The following BTBD9 variants were observed in gnomAD, a reference collection of about 807,000 sequenced individuals.
The protein encoded by BTBD9 is BTB/POZ domain-containing protein 9.
In BTBD9, 49 loss-of-function variants were observed where a neutral mutation model predicts 64.3. That is an observed-to-expected ratio of 0.76 (90% CI 0.61 to 0.97). The LOEUF is 0.97. Ranked by LOEUF, BTBD9 falls within the 50% of genes least tolerant of loss-of-function variation. The pLI, the probability that BTBD9 is intolerant of heterozygous loss-of-function variation, is 0.00. For synonymous variants in BTBD9, 260 were observed against 274.7 expected (o/e 0.95, Z 0.53); for missense variants, 598 against 762.1 (o/e 0.78, Z 2.53).
chr6:38,340,553 C>T (rs1324913401), intron 7 of BTBD9, among the ~76,000 whole-genome samples: 1 of 152,116 alleles, frequency 6.6e-6, no homozygotes, highest in Non-Finnish European at 1.5e-5. Context: ...ATGTACTTAC[C>T]TCCCCCTAAC....
intron 6 of BTBD9, among the ~76,000 whole-genome samples, chr6:38,444,579 T>C (rs1269567928): frequency 6.6e-6 from 1 of 152,226 alleles, no homozygotes; most frequent in East Asian, 1.9e-4. Context: ...GTTAAAATCC[T>C]AGCTTTGCTA....
In BTBD9 at chr6:38,593,471, G is replaced by A. The variant is rs191038680; in HGVS notation, c.549+493C>T. On this transcript the variant is annotated intron_variant, in intron 3 of 10. Transcript: ENST00000481247. ...CAAATGGAGAGACAATCACTACCCA[G>A]AGTTCAAAGGAAGATTTGAGCAAAA... 7.9e-4 allele frequency among the ~76,000 whole-genome samples: 120 copies of A among 152,252 alleles called. No individual in the cohort carries two copies. In the Middle Eastern group the frequency reaches 0.01, roughly 13 times the overall value.
At chr6:38,516,635 G>C (rs1773039665) in intron 6 of BTBD9, among the ~76,000 whole-genome samples, 1 of 152,168 alleles carries the variant, frequency 6.6e-6, no homozygotes, top group African/African-American at 2.4e-5. Flanking sequence ...ACTGAAGCAG[G>C]AAATCTCAGG....
chr6:38,261,836 G>C (rs1046315053), intron 8 of BTBD9, among the ~76,000 whole-genome samples: 14 of 152,198 alleles, frequency 9.2e-5, no homozygotes, highest in African/African-American at 3.4e-4. Context: ...GAGTGGAAAA[G>C]GGACACTGAC....
intron 4 of BTBD9, among the ~76,000 whole-genome samples, chr6:38,590,555 G>C (rs1776750465): frequency 6.6e-6 from 1 of 152,170 alleles, no homozygotes; most frequent in Admixed American, 6.5e-5. Flanking sequence ...TCAAGAGAAT[G>C]TTTAAAGGCA....
chr6:38,327,378 G>C (rs1763480925), intron 7 of BTBD9, among the ~76,000 whole-genome samples: 1 of 152,072 alleles, frequency 6.6e-6, no homozygotes, highest in African/African-American at 2.4e-5. Flanking sequence ...AGCAGGAAGG[G>C]GCCAGCAGGT....
rs1561821896 is a variant in BTBD9 at position 38,171,877 on chromosome 6, A to AT, written c.*3107_*3108insA. The AT allele has an allele frequency of 2.0e-4, 20 of 100,590 alleles. No individual in the cohort carries two copies. Among genetic ancestry groups the AT allele is most frequent in the South Asian group, 3.3e-4 (1 of 3,006 alleles). 6.2% of individuals were successfully genotyped at this position (100,590 alleles called of 1,614,324 possible). A position where few individuals can be genotyped will look rare whatever the true frequency, so the allele number is the denominator to read the frequency against. On this transcript the variant is annotated 3_prime_UTR_variant, in exon 11 of 11. Coordinates refer to ENST00000481247, the MANE Select transcript of BTBD9 (RefSeq NM_001099272.2). Reference sequence around the variant, plus strand: ...AAAAAAAAAAAAAAAAAAAAAAAAAAAAAAATAATAATAATAATAATAATA... The same window carrying AT: ...AAAAAAAAAAAAAAAAAAAAAAAAAATAAAAATAATAATAATAATAATAATA...
intron 6 of BTBD9, among the ~76,000 whole-genome samples, chr6:38,399,423 G>GT (rs577453367): frequency 2.5e-4 from 38 of 152,302 alleles, no homozygotes; most frequent in African/African-American, 9.1e-4. Context: ...TCTACTCATT[G>GT]TATGAATTGC....
intron 7 of BTBD9, among the ~76,000 whole-genome samples, chr6:38,314,269 C>T (rs543508087): frequency 5.9e-4 from 89 of 151,940 alleles, no homozygotes; most frequent in Non-Finnish European, 1.1e-3. Flanking sequence ...GATCTCGGCT[C>T]ACTGCAAGCT....
intron 6 of BTBD9, among the ~76,000 whole-genome samples, chr6:38,509,525 T>C (rs1020978454): frequency 6.6e-6 from 1 of 152,308 alleles, no homozygotes; most frequent in Non-Finnish European, 1.5e-5. Context: ...GCATCTGTAC[T>C]TTCTCAAAAC....
intron 10 of BTBD9, among the ~76,000 whole-genome samples, chr6:38,190,221 T>C (rs1051856290): frequency 4.6e-5 from 7 of 151,754 alleles, no homozygotes; most frequent in African/African-American, 1.7e-4. Flanking sequence ...ATCCTAGCAC[T>C]CTGGAAGGCT....
Position 38,529,924 on chromosome 6 carries a change from G to A in BTBD9, c.1154+47676C>T, listed in dbSNP as rs568525618. ...TAAGGTCTGACTGCCTGCGGGGTCA[G>A]GCAAAAAGAGCCATATTTTTCTTCT... On this transcript the variant is annotated intron_variant, in intron 6 of 10. Transcript: ENST00000481247. Among the ~76,000 whole-genome samples, 4 of 152,248 alleles carry A rather than the reference G, an allele frequency of 2.6e-5. No individual in the cohort carries two copies. In the South Asian group the frequency reaches 8.3e-4, roughly 32 times the overall value.
At chr6:38,591,716 G>A (rs1776797766) in intron 4 of BTBD9, among the ~76,000 whole-genome samples, 1 of 152,144 alleles carries the variant, frequency 6.6e-6, no homozygotes, top group African/African-American at 2.4e-5. Context: ...AGAGTTGTGA[G>A]AATTAAATCG....
At position 38,168,762 on chromosome 6, in the gene BTBD9, G is replaced by A. The variant is rs1331060051; in HGVS notation, c.*6223C>T. 3 of 152,228 alleles carry A rather than the reference G, an allele frequency of 2.0e-5. No homozygotes were observed. The highest frequency in any genetic ancestry group is 6.5e-5 in the Admixed American group (1 of 15,288). The allele number at this position is 152,228 out of a possible 1,614,324, so 9.4% of individuals were successfully genotyped here. A position where few individuals can be genotyped will look rare whatever the true frequency, so the allele number is the denominator to read the frequency against. ...TCTTTACAGGCCCAGAAACGCCAAA[G>A]GCTGGGAGGCTCTTGTTCTCTGGTG... On this transcript the variant is annotated 3_prime_UTR_variant, in exon 11 of 11. Transcript: ENST00000481247.
intron 2 of BTBD9, chr6:38,596,181 G>GC (rs530469993): frequency 2.8e-4 from 131 of 461,156 alleles, no homozygotes; most frequent in African/African-American, 2.7e-3. Flanking sequence ...GTAGCATTGA[G>GC]CTTAGCTCTA....
At chr6:38,267,225 T>C (rs1016347567) in intron 8 of BTBD9, among the ~76,000 whole-genome samples, 5 of 152,310 alleles carry the variant, frequency 3.3e-5, no homozygotes, top group Middle Eastern at 6.8e-3. Flanking sequence ...CCAGAATCAG[T>C]TTCTTCTGTT....
At chr6:38,211,334 C>G (rs936529999) in intron 9 of BTBD9, among the ~76,000 whole-genome samples, 2 of 151,468 alleles carry the variant, frequency 1.3e-5, no homozygotes, top group Non-Finnish European at 2.9e-5. Flanking sequence ...GAGGCTGAGG[C>G]AGGAGAATGG....
chr6:38,476,713 T>A (rs1439518539), intron 6 of BTBD9, among the ~76,000 whole-genome samples: 2 of 152,184 alleles, frequency 1.3e-5, no homozygotes, highest in Non-Finnish European at 1.5e-5. Flanking sequence ...CCTCTTTGCA[T>A]TAAAAAAGAT....
At chr6:38,244,850 T>C (rs1764127160) in intron 9 of BTBD9, among the ~76,000 whole-genome samples, 1 of 152,210 alleles carries the variant, frequency 6.6e-6, no homozygotes, top group Admixed American at 6.5e-5. Flanking sequence ...AATGGGTTAA[T>C]AAAGAGAAGT....
Sources: gnomAD v4.1 joint callset for allele counts (sites outside exome capture counted in the v4.1 genomes callset) on GRCh38, gnomAD v4.1.1 for gene constraint, MANE v1.5 for transcripts, NCBI Gene and HGNC (gene_info 2026-07-23, HGNC 2026-07-21) for gene names.